SHANK2: variants seen among roughly 807,000 people sequenced by gnomAD.
SHANK2 encodes SH3 and multiple ankyrin repeat domains protein 2.
In SHANK2, 43 loss-of-function variants were observed where a neutral mutation model predicts 133.7. That is an observed-to-expected ratio of 0.32 (90% CI 0.25 to 0.41). The LOEUF is 0.41. Ranked by LOEUF, SHANK2 falls within the 10% of genes least tolerant of loss-of-function variation. The pLI is 1.00. For missense variants in SHANK2, 1,994 were observed against 2,235.8 expected (o/e 0.89, Z 2.18); for synonymous variants, 1,017 against 952.8 (o/e 1.07, Z -1.24).
intron 17 of SHANK2, among the ~76,000 whole-genome samples, chr11:70,553,485 G>A (rs1554978747): frequency 6.6e-6 from 1 of 152,078 alleles, no homozygotes; most frequent in African/African-American, 2.4e-5. Flanking sequence ...GATTTTTGAG[G>A]GACACAACTC....
In SHANK2 at chr11:71,147,261, C is replaced by A. The variant is rs1555106900; in HGVS notation, c.66G>T (p.Gly22=). The change falls in exon 3 of 26, where the codon GGG becomes GGT. Residue 22 remains glycine, a synonymous_variant. Transcript: ENST00000601538. ...MAQSFSDYSV[G]SESDSSKEET... Reference sequence around the variant, plus strand: ...CTTCTTTGGAGCTGTCTGACTCCGACCCCACGGAGTAGTCGGAGAAGCTCT... The same window carrying A: ...CTTCTTTGGAGCTGTCTGACTCCGAACCCACGGAGTAGTCGGAGAAGCTCT... 1 of 1,551,006 alleles carries A rather than the reference C, an allele frequency of 6.4e-7. No homozygotes were observed. The highest frequency in any genetic ancestry group is 1.2e-5 in the South Asian group (1 of 84,056).
At chr11:71,133,291 C>CGGCTGGCT (rs542164003) in intron 3 of SHANK2, among the ~76,000 whole-genome samples, 53 of 111,316 alleles carry the variant, frequency 4.8e-4, no homozygotes, top group Middle Eastern at 5.0e-3. Context: ...GCCGGCCGGA[C>CGGCTGGCT]GGCTGGCTGG....
At chr11:71,064,922 T>C (rs1951029889) in intron 9 of SHANK2, among the ~76,000 whole-genome samples, 1 of 151,948 alleles carries the variant, frequency 6.6e-6, no homozygotes, top group South Asian at 2.1e-4. Context: ...GCTGGGAGAC[T>C]CCGACTGGGG....
In SHANK2 at chr11:70,473,336, G is replaced by A. The variant is rs1255983619; in HGVS notation, c.5083C>T (p.Pro1695Ser). Reference sequence around the variant, plus strand: ...CCTGAGGTCCTGCTTTCATAGTCGGGGGGCCGGCTCTGCAGGGTGATGGGC... The same window carrying A: ...CCTGAGGTCCTGCTTTCATAGTCGGAGGGCCGGCTCTGCAGGGTGATGGGC... ...SQPITLQSRPPDYESRTSGTR... is the reference protein window; with the variant it reads ...SQPITLQSRPSDYESRTSGTR... Residue 1695 changes from proline to serine, a missense_variant, in exon 26 of 26, where the codon CCC becomes TCC. Coordinates refer to ENST00000601538, the MANE Select transcript of SHANK2 (RefSeq NM_012309.5). The surrounding 1 kb of genome is among the most constrained non-coding windows in gnomAD (Gnocchi z 5.9). 6.2e-7 allele frequency: 1 copy of A among 1,613,558 alleles called. No homozygotes were observed. The highest frequency in any genetic ancestry group is 8.5e-7 in the Non-Finnish European group (1 of 1,180,038).
Position 70,608,820 on chromosome 11 carries a change from G to T in SHANK2, c.2061+51008C>A, listed in dbSNP as rs61885158. Among the ~76,000 whole-genome samples the T allele has an allele frequency of 5.9e-5, 9 of 152,134 alleles. No individual in the cohort carries two copies. In the East Asian group the frequency reaches 7.7e-4, roughly 13 times the overall value. ...AATTACAAACCTCTCAGCTAAACGCGGTCTATTACGCAAAACCTCATTCCA... is the reference window on the plus strand; with the variant it reads ...AATTACAAACCTCTCAGCTAAACGCTGTCTATTACGCAAAACCTCATTCCA... On this transcript the variant is annotated intron_variant, in intron 17 of 25. Transcript: ENST00000601538.
At chr11:70,872,084 G>A (rs782635385) in intron 11 of SHANK2, among the ~76,000 whole-genome samples, 12 of 152,144 alleles carry the variant, frequency 7.9e-5, no homozygotes, top group Non-Finnish European at 1.6e-4. Flanking sequence ...GGCCTGTTAC[G>A]TCACACCGCC....
chr11:70,584,855 C>G (rs566239358), intron 17 of SHANK2, among the ~76,000 whole-genome samples: 4 of 152,338 alleles, frequency 2.6e-5, no homozygotes, highest in Admixed American at 2.6e-4. Context: ...ACCTGCCTGA[C>G]AAAGGATCCA....
Position 70,715,986 on chromosome 11 carries a change from G to A in SHANK2, c.1778-17223C>T, listed in dbSNP as rs1280680305. 1.5e-4 allele frequency among the ~76,000 whole-genome samples: 23 copies of A among 152,286 alleles called. 1 individual carries two copies. Among genetic ancestry groups the A allele is most frequent in the Middle Eastern group, 6.8e-3 (2 of 294 alleles). The stretch of plus-strand genomic sequence containing the variant: ...GGCTGTGGACAGGGCGTCTGGAGGG[G>A]CCTCACTCTGTGTACCCCTGCCCCC... On this transcript the variant is annotated intron_variant, in intron 14 of 25. Coordinates refer to ENST00000601538, the MANE Select transcript of SHANK2 (RefSeq NM_012309.5).
intron 2 of SHANK2, among the ~76,000 whole-genome samples, chr11:71,160,839 C>A (rs1237029339): frequency 6.6e-6 from 1 of 152,186 alleles, no homozygotes; most frequent in Non-Finnish European, 1.5e-5. Context: ...AGCAATGACA[C>A]CTTAAATGAC....
At chr11:70,605,379 C>A (rs1157515531) in intron 17 of SHANK2, among the ~76,000 whole-genome samples, 1 of 152,234 alleles carries the variant, frequency 6.6e-6, no homozygotes, top group East Asian at 1.9e-4. Flanking sequence ...GACAGGCGCA[C>A]CCTCAGTGGC....
intron 10 of SHANK2, among the ~76,000 whole-genome samples, chr11:70,899,559 T>C (rs973359434): frequency 6.6e-6 from 1 of 152,192 alleles, no homozygotes; most frequent in Non-Finnish European, 1.5e-5. Context: ...GAGATAAGCA[T>C]GTCTCCAGGC....
At chr11:70,759,311 C>T (rs1156428596) in intron 14 of SHANK2, among the ~76,000 whole-genome samples, 1 of 151,336 alleles carries the variant, frequency 6.6e-6, no homozygotes, top group African/African-American at 2.4e-5. Flanking sequence ...CTGGCCAAAC[C>T]CCGTCACTAG....
chr11:70,575,518 C>CAAAAA (rs71049923), intron 17 of SHANK2, among the ~76,000 whole-genome samples: 6 of 139,616 alleles, frequency 4.3e-5, no homozygotes, highest in Admixed American at 3.5e-4. Flanking sequence ...GACTCTGCCT[C>CAAAAA]AAAAAAAAAA....
chr11:71,242,499 G>A (rs569813029), intron 1 of SHANK2, among the ~76,000 whole-genome samples: 1 of 152,270 alleles, frequency 6.6e-6, no homozygotes, highest in Admixed American at 6.5e-5. Flanking sequence ...TCCTTTAAGT[G>A]TTTGCTCAAG....
intron 17 of SHANK2, among the ~76,000 whole-genome samples, chr11:70,572,524 A>G (rs1424483033): frequency 6.6e-6 from 1 of 152,116 alleles, no homozygotes. Flanking sequence ...GCTGACTCAG[A>G]CAGAAGGGAA....
At chr11:70,763,900 C>G (rs1947049221) in intron 14 of SHANK2, among the ~76,000 whole-genome samples, 1 of 152,170 alleles carries the variant, frequency 6.6e-6, no homozygotes, top group African/African-American at 2.4e-5. Flanking sequence ...ATCAACCACA[C>G]TATTAAACCG....
In SHANK2 at chr11:70,675,070, G is replaced by A. The variant is rs150237727; in HGVS notation, c.1854-13392C>T. Among the ~76,000 whole-genome samples the A allele has an allele frequency of 6.7e-3, 1,019 of 152,328 alleles. 12 individuals are homozygous for A. Among genetic ancestry groups the A allele is most frequent in the African/African-American group, 0.024 (979 of 41,568 alleles). ...ACCTGAGCTCTGGAAAAGAGGCAAG[G>A]AGAACGCGTTTTAGAAATGAGATCA... On this transcript the variant is annotated intron_variant, in intron 15 of 25. Coordinates refer to ENST00000601538, the MANE Select transcript of SHANK2 (RefSeq NM_012309.5).
At chr11:71,171,100 G>A (rs1318665752) in intron 2 of SHANK2, among the ~76,000 whole-genome samples, 14 of 152,174 alleles carry the variant, frequency 9.2e-5, no homozygotes, top group Admixed American at 9.2e-4. Flanking sequence ...TTGCACACGC[G>A]GGGACAGAGT....
At chr11:70,881,162 T>C (rs1024609136) in intron 11 of SHANK2, among the ~76,000 whole-genome samples, 1 of 152,196 alleles carries the variant, frequency 6.6e-6, no homozygotes, top group Admixed American at 6.5e-5. Flanking sequence ...TTCAGCCTCC[T>C]GAGTGGTTGG....
Sources: gnomAD v4.1 joint callset for allele counts (sites outside exome capture counted in the v4.1 genomes callset) on GRCh38, gnomAD v4.1.1 for gene constraint, Gnocchi (gnomAD v3.1) non-coding constraint, MANE v1.5 for transcripts, NCBI Gene and HGNC (gene_info 2026-07-23, HGNC 2026-07-21) for gene names.